Variants in CNNM4 observed in about 807,000 individuals in gnomAD.
CNNM4 encodes metal transporter CNNM4.
In CNNM4, 32 loss-of-function variants were observed where a neutral mutation model predicts 53.7. The observed-to-expected ratio is 0.60, with a 90% CI of 0.45 to 0.80. The LOEUF (loss-of-function observed/expected upper bound fraction) is 0.80, where lower values mean the gene tolerates loss of function less well. Ranked by LOEUF, CNNM4 falls within the 30% of genes least tolerant of loss-of-function variation. CNNM4 has a pLI of 0.00. For missense variants in CNNM4, 784 were observed against 1,022.0 expected (o/e 0.77, Z 3.17); for synonymous variants, 410 against 440.0 (o/e 0.93, Z 0.85).
At chr2:96,803,268 C>A (rs1291027972) in intron 5 of CNNM4, among the ~76,000 whole-genome samples, 2 of 152,130 alleles carry the variant, frequency 1.3e-5, no homozygotes, top group African/African-American at 4.8e-5. Context: ...GGTGTGCCCT[C>A]ATTGATTAAT....
rs2079117593 is a variant in CNNM4 at position 96,797,726 on chromosome 2, C to T, written c.1681+79C>T. The T allele has an allele frequency of 7.6e-6, 12 of 1,583,638 alleles. 1 individual carries two copies. The South Asian group carries it at 1.3e-4, about 18-fold the overall frequency. On this transcript the variant is annotated intron_variant, in intron 3 of 6. Coordinates refer to ENST00000377075, the MANE Select transcript of CNNM4 (RefSeq NM_020184.4). The surrounding 1 kb of genome is among the most constrained non-coding windows in gnomAD (Gnocchi z 6.0). The stretch of plus-strand genomic sequence containing the variant: ...GTCCTGGGTTTCCGGCTGCTTTCCC[C>T]CCATAGGACGAGGGCTGCAGCAGGT...
intron 5 of CNNM4, among the ~76,000 whole-genome samples, chr2:96,805,739 T>A (rs1009381961): frequency 3.8e-5 from 5 of 130,266 alleles, no homozygotes; most frequent in African/African-American, 6.0e-5. Context: ...ACACAGCACA[T>A]GTTTCAGAGA....
chr2:96,791,792 T>C (rs1223342165), intron 1 of CNNM4, among the ~76,000 whole-genome samples: 1 of 152,046 alleles, frequency 6.6e-6, no homozygotes, highest in Non-Finnish European at 1.5e-5. Context: ...AATCTACATA[T>C]GGGGGATTCA....
chr2:96,787,576 A>G (rs2079025833), intron 1 of CNNM4, among the ~76,000 whole-genome samples: 1 of 152,156 alleles, frequency 6.6e-6, no homozygotes, highest in Non-Finnish European at 1.5e-5. Context: ...TCTGTCCATA[A>G]GCCAGGCATG....
intron 1 of CNNM4, among the ~76,000 whole-genome samples, chr2:96,763,918 C>T (rs2078789075): frequency 6.6e-6 from 1 of 151,986 alleles, no homozygotes; most frequent in African/African-American, 2.4e-5. Flanking sequence ...AGTGCAGACC[C>T]AGGAATCAGG....
chr2:96,797,401 C>T lies in CNNM4; in HGVS notation c.1547-112C>T. 3 of 1,512,714 alleles carry T rather than the reference C, an allele frequency of 2.0e-6. No individual in the cohort carries two copies. The highest frequency in any genetic ancestry group is 2.3e-5 in the South Asian group (2 of 88,792). 93.7% of individuals were successfully genotyped at this position (1,512,714 alleles called of 1,614,324 possible). On this transcript the variant is annotated intron_variant, in intron 2 of 6. Transcript: ENST00000377075. This position sits in a 1 kb window ranked among gnomAD's most constrained non-coding sequence, Gnocchi z 6.0. ...CCAGGACCCTGCCAGCCAGAGCCTGCTGCTCCTGCGTGGGACTAGGGGCTG... is the reference window on the plus strand; with the variant it reads ...CCAGGACCCTGCCAGCCAGAGCCTGTTGCTCCTGCGTGGGACTAGGGGCTG...
At chr2:96,764,480 C>T (rs2078795073) in intron 1 of CNNM4, among the ~76,000 whole-genome samples, 1 of 151,834 alleles carries the variant, frequency 6.6e-6, no homozygotes, top group Non-Finnish European at 1.5e-5. Context: ...GTGATAGTCC[C>T]CCCTCTCTAC....
In CNNM4 at chr2:96,766,100, C is replaced by CT. The variant is rs559702736; in HGVS notation, c.1402+3713dup. Among the ~76,000 whole-genome samples, 531 of 110,486 alleles carry CT rather than the reference C, an allele frequency of 4.8e-3. 4 individuals carry two copies. The highest frequency in any genetic ancestry group is 0.013 in the African/African-American group (389 of 29,652). 72.5% of individuals were successfully genotyped at this position (110,486 alleles called of 152,430 possible). A position where few individuals can be genotyped will look rare whatever the true frequency, so the allele number is the denominator to read the frequency against. On this transcript the variant is annotated intron_variant, in intron 1 of 6. Coordinates refer to ENST00000377075, the MANE Select transcript of CNNM4 (RefSeq NM_020184.4). ...CACCTGGCCTTTTTTTTTTTCTTTT[C>CT]TTTTTTTTTTTTTTGAGACAGAGTT...
At chr2:96,779,958 A>C (rs892732407) in intron 1 of CNNM4, among the ~76,000 whole-genome samples, 1 of 151,934 alleles carries the variant, frequency 6.6e-6, no homozygotes, top group Non-Finnish European at 1.5e-5. Context: ...ACGTGCCACC[A>C]CACCCAGCTA....
At chr2:96,779,448 G>T (rs1479047564) in intron 1 of CNNM4, among the ~76,000 whole-genome samples, 1 of 148,774 alleles carries the variant, frequency 6.7e-6, no homozygotes, top group Non-Finnish European at 1.5e-5. Flanking sequence ...GGCAGAAGTT[G>T]CAGTGAGCTA....
intron 5 of CNNM4, among the ~76,000 whole-genome samples, chr2:96,806,123 G>A (rs961120537): frequency 4.7e-4 from 69 of 148,210 alleles, no homozygotes; most frequent in Admixed American, 3.3e-4. Flanking sequence ...CTGGCCGGGC[G>A]GGGGGCTGAC....
intron 1 of CNNM4, among the ~76,000 whole-genome samples, chr2:96,777,387 C>T (rs187920354): frequency 6.0e-4 from 92 of 152,236 alleles, no homozygotes; most frequent in Middle Eastern, 6.8e-3. Flanking sequence ...CTCTCTGTCA[C>T]GTAGGCTGGA....
chr2:96,789,731 C>T (rs1481278167), intron 1 of CNNM4, among the ~76,000 whole-genome samples: 1 of 150,316 alleles, frequency 6.7e-6, no homozygotes, highest in Non-Finnish European at 1.5e-5. Context: ...GAGTCTGTGT[C>T]GCCCAGGCTG....
In CNNM4 at chr2:96,797,267, G is replaced by T; in HGVS notation, c.1546+112G>T. Reference sequence around the variant, plus strand: ...GGACACAGGAGGCCTAGCATCCAGAGGCCCAGTGGCTGGGTGCCCTGCACT... The same window carrying T: ...GGACACAGGAGGCCTAGCATCCAGATGCCCAGTGGCTGGGTGCCCTGCACT... On this transcript the variant is annotated intron_variant, in intron 2 of 6. Transcript: ENST00000377075. This position sits in a 1 kb window ranked among gnomAD's most constrained non-coding sequence, Gnocchi z 6.0. 1 of 1,489,090 alleles carries T rather than the reference G, an allele frequency of 6.7e-7. No individual in the cohort carries two copies. The highest frequency in any genetic ancestry group is 9.2e-7 in the Non-Finnish European group (1 of 1,081,190). The allele number at this position is 1,489,090 out of a possible 1,614,324, so 92.2% of individuals were successfully genotyped here.
chr2:96,763,801 T>C (rs779024834), intron 1 of CNNM4, among the ~76,000 whole-genome samples: 4 of 148,472 alleles, frequency 2.7e-5, no homozygotes, highest in Non-Finnish European at 5.9e-5. Flanking sequence ...TAAGCCAGAG[T>C]CTGGGAGAGC....
chr2:96,766,313 G>T (rs905054118), intron 1 of CNNM4, among the ~76,000 whole-genome samples: 2 of 151,872 alleles, frequency 1.3e-5, no homozygotes, highest in East Asian at 3.9e-4. Context: ...GACCTCAAGC[G>T]ATCTGCCCAC....
chr2:96,805,644 T>A (rs2079197868), intron 5 of CNNM4, among the ~76,000 whole-genome samples: 1 of 118,432 alleles, frequency 8.4e-6, no homozygotes, highest in African/African-American at 3.3e-5. Flanking sequence ...GGATTGGTGA[T>A]GACTCTTAAC....
intron 1 of CNNM4, among the ~76,000 whole-genome samples, chr2:96,792,944 T>C (rs1280173399): frequency 6.6e-6 from 1 of 152,046 alleles, no homozygotes; most frequent in Admixed American, 6.6e-5. Context: ...ATTAGTGACG[T>C]CAGGCAGCAC....
rs184684050 is a variant in CNNM4 at position 96,792,208 on chromosome 2, T to G, written c.1403-4804T>G. On this transcript the variant is annotated intron_variant, in intron 1 of 6. Coordinates refer to ENST00000377075, the MANE Select transcript of CNNM4 (RefSeq NM_020184.4). ...TTGCAGTGAGCTGAGATCACGCCAC[T>G]GCACTCCAGCCTGGGTGACAGAGTG... 7.6e-3 allele frequency among the ~76,000 whole-genome samples: 1,082 copies of G among 142,938 alleles called. 19 individuals carry two copies. The highest frequency in any genetic ancestry group is 0.027 in the African/African-American group (1,038 of 38,316). The allele number at this position is 142,938 out of a possible 152,430, so 93.8% of individuals were successfully genotyped here. A position where few individuals can be genotyped will look rare whatever the true frequency, so the allele number is the denominator to read the frequency against.
Sources: allele counts gnomAD v4.1 joint callset (sites outside exome capture counted in the v4.1 genomes callset), GRCh38; gene constraint gnomAD v4.1.1; non-coding constraint Gnocchi (gnomAD v3.1); transcripts MANE v1.5; gene names NCBI Gene and HGNC (gene_info 2026-07-23, HGNC 2026-07-21).